The following FA2H variants were observed in gnomAD, a reference collection of about 807,000 sequenced individuals.
The protein encoded by FA2H is fatty acid 2-hydroxylase.
A neutral mutation model predicts 44.9 loss-of-function variants in FA2H; 22 were observed. The ratio of observed to expected loss-of-function variants is 0.49; its 90% CI spans 0.35 to 0.70. The LOEUF (loss-of-function observed/expected upper bound fraction) is 0.70. Among genes scored for constraint, FA2H ranks in the 30% least tolerant of loss-of-function variants. FA2H has a pLI of 0.01. For synonymous variants in FA2H, 243 were observed against 213.2 expected (o/e 1.14, Z -1.22); for missense variants, 501 against 504.9 (o/e 0.99, Z 0.07).
chr16:74,751,240 A>G (rs2144648399), intron 1 of FA2H, among the ~76,000 whole-genome samples: 1 of 152,088 alleles, frequency 6.6e-6, no homozygotes, highest in Admixed American at 6.5e-5. Flanking sequence ...GATTATAGGC[A>G]TGCACCACCA....
chr16:74,721,360 G>C (rs1961835078), intron 4 of FA2H, among the ~76,000 whole-genome samples: 1 of 152,122 alleles, frequency 6.6e-6, no homozygotes, highest in Non-Finnish European at 1.5e-5. Flanking sequence ...TAGAGACAGA[G>C]TTTCAACATG....
chr16:74,730,871 G>A (rs1414564775), intron 2 of FA2H, among the ~76,000 whole-genome samples: 3 of 152,136 alleles, frequency 2.0e-5, no homozygotes, highest in African/African-American at 4.8e-5. Flanking sequence ...TGGGGAAACC[G>A]AGGCTGAGTA....
intron 1 of FA2H, among the ~76,000 whole-genome samples, chr16:74,745,390 C>G (rs1157325526): frequency 1.3e-5 from 2 of 152,226 alleles, no homozygotes; most frequent in Non-Finnish European, 1.5e-5. Flanking sequence ...TGGCCTGGGT[C>G]GACTCTGAGA....
chr16:74,754,689 G>A (rs184872357), intron 1 of FA2H, among the ~76,000 whole-genome samples: 127 of 151,936 alleles, frequency 8.4e-4, no homozygotes, highest in South Asian at 2.7e-3. Context: ...CACCACATCC[G>A]GGTAATTTTT....
At chr16:74,758,117 CTTTTTTT>C (rs71378706) in intron 1 of FA2H, among the ~76,000 whole-genome samples, 4 of 113,572 alleles carry the variant, frequency 3.5e-5, no homozygotes, top group African/African-American at 1.1e-4. Context: ...GGAAACAATT[CTTTTTTT>C]TTTTTTTTTT....
In FA2H at chr16:74,720,180, C is replaced by CTTTTTTT. The variant is rs56341013; in HGVS notation, c.614-1027_614-1021dup. Among the ~76,000 whole-genome samples the CTTTTTTT allele has an allele frequency of 2.8e-3, 132 of 47,256 alleles. 19 individuals are homozygous for CTTTTTTT. Among genetic ancestry groups the CTTTTTTT allele is most frequent in the African/African-American group, 5.0e-3 (49 of 9,832 alleles). 31.0% of individuals were successfully genotyped at this position (47,256 alleles called of 152,430 possible). Reference sequence around the variant, plus strand: ...TTTGCTCCATATATTCATCCTCATCCTTTTTTTTTTTTTTTTTTTTTTTTT... The same window carrying CTTTTTTT: ...TTTGCTCCATATATTCATCCTCATCCTTTTTTTTTTTTTTTTTTTTTTTTTTTTTTTT... On this transcript the variant is annotated intron_variant, in intron 4 of 6. Coordinates refer to ENST00000219368, the MANE Select transcript of FA2H (RefSeq NM_024306.5).
Position 74,713,850 on chromosome 16 carries a change from G to T in FA2H, c.*340C>A. 3.2e-6 allele frequency: 1 copy of T among 316,506 alleles called. No individual in the cohort carries two copies. The allele number at this position is 316,506 out of a possible 1,614,324, so 19.6% of individuals were successfully genotyped here. On this transcript the variant is annotated 3_prime_UTR_variant, in exon 7 of 7. Coordinates refer to ENST00000219368, the MANE Select transcript of FA2H (RefSeq NM_024306.5). ...GAGGCTAAGGCACAAGGGTGACACA[G>T]GTGGCCACGAGGGCTCAGTTTTCTT... is the stretch of plus-strand genomic sequence containing the variant.
At chr16:74,721,237 G>C (rs940567170) in intron 4 of FA2H, among the ~76,000 whole-genome samples, 2 of 151,876 alleles carry the variant, frequency 1.3e-5, no homozygotes, top group South Asian at 4.2e-4. Context: ...GGACGATCTC[G>C]GCTCACTGCA....
intron 4 of FA2H, among the ~76,000 whole-genome samples, chr16:74,725,639 T>A (rs1597545538): frequency 1.3e-5 from 2 of 152,194 alleles, no homozygotes; most frequent in East Asian, 3.8e-4. Flanking sequence ...ACCCTTCTTA[T>A]GGGGCTGCTG....
intron 2 of FA2H, among the ~76,000 whole-genome samples, chr16:74,734,530 C>A (rs1018059554): frequency 2.0e-5 from 3 of 152,224 alleles, no homozygotes; most frequent in African/African-American, 7.2e-5. Context: ...CCTGCTCGGT[C>A]CCTGCCTTAG....
intron 4 of FA2H, among the ~76,000 whole-genome samples, chr16:74,719,583 G>A (rs1202627328): frequency 6.6e-6 from 1 of 152,172 alleles, no homozygotes; most frequent in African/African-American, 2.4e-5. Flanking sequence ...GTGCTGGAGT[G>A]CTGGAGGGCA....
chr16:74,727,599 G>A lies in FA2H; in HGVS notation c.364-213C>T, dbSNP rs148474748. 2.4e-3 allele frequency among the ~76,000 whole-genome samples: 371 copies of A among 152,300 alleles called. 3 individuals carry two copies. The highest frequency in any genetic ancestry group is 8.1e-3 in the African/African-American group (335 of 41,570). On this transcript the variant is annotated intron_variant, in intron 2 of 6. Coordinates refer to ENST00000219368, the MANE Select transcript of FA2H (RefSeq NM_024306.5). ...GCAATAGGATCCGGTAAAGGTTTGC[G>A]ACCTAAGCTGGTGTGATGAGCCATC...
chr16:74,732,107 C>T (rs528341721), intron 2 of FA2H, among the ~76,000 whole-genome samples: 2 of 152,268 alleles, frequency 1.3e-5, no homozygotes, highest in East Asian at 1.9e-4. Flanking sequence ...TGGTCTCGAG[C>T]TCCTGGGCTC....
chr16:74,747,409 C>A (rs1345278205), intron 1 of FA2H, among the ~76,000 whole-genome samples: 1 of 152,102 alleles, frequency 6.6e-6, no homozygotes, highest in African/African-American at 2.4e-5. Flanking sequence ...TCAGGCCATG[C>A]ACCAAGGGCG....
intron 2 of FA2H, among the ~76,000 whole-genome samples, chr16:74,730,666 C>G (rs1367374797): frequency 6.6e-6 from 1 of 152,158 alleles, no homozygotes; most frequent in East Asian, 1.9e-4. Context: ...CAGAGCCCCA[C>G]CTTAGAAGAA....
At chr16:74,715,793 G>C (rs1226287395) in intron 6 of FA2H, among the ~76,000 whole-genome samples, 1 of 147,990 alleles carries the variant, frequency 6.8e-6, no homozygotes, top group East Asian at 2.0e-4. Flanking sequence ...CCATCACCTT[G>C]CTTTACTTTC....
At position 74,740,025 on chromosome 16, in the gene FA2H, T is replaced by C. The variant is rs1258347857; in HGVS notation, c.361A>G (p.Lys121Glu). 6.2e-7 allele frequency: 1 copy of C among 1,610,606 alleles called. No homozygotes were observed. The highest frequency in any genetic ancestry group is 1.1e-5 in the South Asian group (1 of 91,004). The change falls in exon 2 of 7, where the codon AAG becomes GAG. Residue 121 changes from lysine (K) to glutamate (E), a missense_variant and splice_region_variant. By Grantham distance (56) the Lys-to-Glu change is moderately conservative (BLOSUM62 1). Coordinates refer to ENST00000219368, the MANE Select transcript of FA2H (RefSeq NM_024306.5). ...CCACTCCATCCTATGCCAGGTACCTTGTCCCAATCCACCACTTTGAACCGT... is the reference window on the plus strand; with the variant it reads ...CCACTCCATCCTATGCCAGGTACCTCGTCCCAATCCACCACTTTGAACCGT... ...EPRFKVVDWD[K>E]DLVDWRKPLL...
At chr16:74,760,179 C>T (rs1269719769) in intron 1 of FA2H, among the ~76,000 whole-genome samples, 1 of 152,140 alleles carries the variant, frequency 6.6e-6, no homozygotes, top group Non-Finnish European at 1.5e-5. Flanking sequence ...ACTACGCTGC[C>T]GCTGCAGCTG....
At chr16:74,725,105 G>A (rs916007147) in intron 4 of FA2H, among the ~76,000 whole-genome samples, 3 of 152,208 alleles carry the variant, frequency 2.0e-5, no homozygotes, top group African/African-American at 7.2e-5. Flanking sequence ...GGGCAACCAT[G>A]GCTCGAGGGA....
Sources: gnomAD v4.1 joint callset for allele counts (sites outside exome capture counted in the v4.1 genomes callset) on GRCh38, gnomAD v4.1.1 for gene constraint, MANE v1.5 for transcripts, NCBI Gene and HGNC (gene_info 2026-07-23, HGNC 2026-07-21) for gene names.